FER: variants seen among roughly 807,000 people sequenced by gnomAD.
The protein encoded by FER is FER tyrosine kinase.
A neutral mutation model predicts 111.0 loss-of-function variants in FER; 63 were observed. The ratio of observed to expected loss-of-function variants is 0.57; its 90% CI spans 0.46 to 0.70. The LOEUF (loss-of-function observed/expected upper bound fraction) is 0.70, where lower values mean the gene tolerates loss of function less well. Among genes scored for constraint, FER ranks in the 30% least tolerant of loss-of-function variants. The pLI is 0.00. For missense variants in FER, 914 were observed against 954.0 expected (o/e 0.96, Z 0.55); for synonymous variants, 327 against 313.9 (o/e 1.04, Z -0.44).
chr5:109,017,921 T>C (rs1455413940), intron 13 of FER, among the ~76,000 whole-genome samples: 2 of 151,938 alleles, frequency 1.3e-5, no homozygotes, highest in Non-Finnish European at 2.9e-5. Context: ...ACATATATGA[T>C]TGTTGGGACT....
At chr5:108,893,398 A>T (rs1561574535) in intron 9 of FER, among the ~76,000 whole-genome samples, 1 of 151,770 alleles carries the variant, frequency 6.6e-6, no homozygotes, top group African/African-American at 2.4e-5. Context: ...CTAGATCTCA[A>T]AGGTTTTCTT....
intron 17 of FER, among the ~76,000 whole-genome samples, chr5:109,105,954 T>C (rs1400608605): frequency 2.6e-5 from 4 of 152,218 alleles, no homozygotes; most frequent in Non-Finnish European, 5.9e-5. Flanking sequence ...GGTACTATTG[T>C]TTAAGCCCGT....
chr5:108,961,809 C>T (rs1291683602), intron 13 of FER, among the ~76,000 whole-genome samples: 3 of 152,120 alleles, frequency 2.0e-5, no homozygotes, highest in East Asian at 1.9e-4. Flanking sequence ...TGTTACTTAT[C>T]TTCCTTTGAA....
At chr5:108,809,856 C>G (rs1490617878) in intron 3 of FER, among the ~76,000 whole-genome samples, 3 of 152,168 alleles carry the variant, frequency 2.0e-5, no homozygotes. Flanking sequence ...AGCCACCATG[C>G]CAAGCCTGTG....
At chr5:109,081,949 C>T (rs1300236422) in intron 16 of FER, among the ~76,000 whole-genome samples, 1 of 152,094 alleles carries the variant, frequency 6.6e-6, no homozygotes, top group East Asian at 1.9e-4. Context: ...TCTCCTACCC[C>T]TTCAGAATCC....
chr5:109,185,813 C>T (rs1368761041), intron 18 of FER, among the ~76,000 whole-genome samples: 3 of 152,188 alleles, frequency 2.0e-5, no homozygotes, highest in Non-Finnish European at 4.4e-5. Context: ...GACAGGGATA[C>T]ACTCTGAGAA....
In FER at chr5:109,179,836, G is replaced by T. The variant is rs1005503793; in HGVS notation, c.2049-911G>T. Reference sequence around the variant, plus strand: ...TTTGGATTTTGGTATCTGAGGGGGGGTCCTGGAACCAATCATGGATCCCAA... The same window carrying T: ...TTTGGATTTTGGTATCTGAGGGGGGTTCCTGGAACCAATCATGGATCCCAA... On this transcript the variant is annotated intron_variant, in intron 17 of 19. Transcript: ENST00000281092. Among the ~76,000 whole-genome samples, 17 of 152,242 alleles carry T rather than the reference G, an allele frequency of 1.1e-4. 1 individual carries two copies. Among genetic ancestry groups the T allele is most frequent in the Admixed American group, 9.2e-4 (14 of 15,292 alleles).
intron 4 of FER, 28 bp from the exon 5 acceptor site, chr5:108,835,671 CAATTTAATA>C (rs1760582538): frequency 4.6e-6 from 6 of 1,306,768 alleles, no homozygotes; most frequent in Non-Finnish European, 6.4e-6. Context: ...TAAATTTAAA[CAATTTAATA>C]CATTTATGCA....
intron 5 of FER, among the ~76,000 whole-genome samples, chr5:108,840,974 G>A (rs541838254): frequency 4.6e-5 from 7 of 152,232 alleles, no homozygotes; most frequent in Admixed American, 3.9e-4. Context: ...GCAATATTAC[G>A]TTAACAGCCC....
intron 12 of FER, among the ~76,000 whole-genome samples, chr5:108,958,034 T>A (rs1758657607): frequency 6.6e-6 from 1 of 151,722 alleles, no homozygotes; most frequent in African/African-American, 2.4e-5. Flanking sequence ...ACAACTGCTT[T>A]GAACTGATTC....
chr5:109,177,014 A>C (rs1757775802), intron 17 of FER, among the ~76,000 whole-genome samples: 1 of 152,218 alleles, frequency 6.6e-6, no homozygotes, highest in African/African-American at 2.4e-5. Flanking sequence ...ACAATGAGTC[A>C]AATGAAACTG....
intron 2 of FER, among the ~76,000 whole-genome samples, chr5:108,772,068 C>G (rs937117734): frequency 5.3e-5 from 8 of 151,978 alleles, no homozygotes; most frequent in African/African-American, 1.9e-4. Context: ...TTTTGGTGAC[C>G]TCATATGACA....
chr5:109,085,288 C>G (rs1777437571), intron 16 of FER, among the ~76,000 whole-genome samples: 1 of 151,708 alleles, frequency 6.6e-6, no homozygotes, highest in African/African-American at 2.4e-5. Context: ...AAACATCCTT[C>G]TTTAAAATTT....
Position 108,935,855 on chromosome 5 carries a change from C to G in FER, c.1237-10275C>G, listed in dbSNP as rs367572246. On this transcript the variant is annotated intron_variant, in intron 10 of 19. Transcript: ENST00000281092. ...GCATAGATTCTGAATCAAGTGTTTA[C>G]GTCTGTATTATGAGACCAGAAAGTC... Among the ~76,000 whole-genome samples the G allele has an allele frequency of 2.7e-4, 41 of 152,126 alleles. No individual in the cohort carries two copies. In the South Asian group the frequency reaches 8.5e-3, roughly 32 times the overall value.
At chr5:108,925,896 C>T (rs1753672549) in intron 10 of FER, among the ~76,000 whole-genome samples, 2 of 151,876 alleles carry the variant, frequency 1.3e-5, no homozygotes, top group South Asian at 4.1e-4. Flanking sequence ...TCATCTTCTC[C>T]AAATTATCAT....
intron 10 of FER, among the ~76,000 whole-genome samples, chr5:108,904,246 G>T (rs1230130481): frequency 2.0e-5 from 3 of 152,150 alleles, no homozygotes; most frequent in Non-Finnish European, 4.4e-5. Flanking sequence ...TACATAGTAT[G>T]TCACATGGTG....
At chr5:109,061,177 T>A (rs991081923) in intron 16 of FER, among the ~76,000 whole-genome samples, 1 of 152,172 alleles carries the variant, frequency 6.6e-6, no homozygotes, top group African/African-American at 2.4e-5. Context: ...ACCTCTAAAT[T>A]TTAGCTATAA....
At chr5:109,121,809 A>G (rs1340943185) in intron 17 of FER, among the ~76,000 whole-genome samples, 6 of 151,960 alleles carry the variant, frequency 3.9e-5, no homozygotes, top group Admixed American at 3.3e-4. Flanking sequence ...GGATTTCTTC[A>G]TGGTTCAATC....
intron 2 of FER, among the ~76,000 whole-genome samples, chr5:108,788,074 T>C (rs1024924987): frequency 2.0e-5 from 3 of 152,210 alleles, no homozygotes; most frequent in Non-Finnish European, 4.4e-5. Flanking sequence ...ATTCCAGAGC[T>C]TGGGGCTACC....
Sources: gnomAD v4.1 joint callset for allele counts (sites outside exome capture counted in the v4.1 genomes callset) on GRCh38, gnomAD v4.1.1 for gene constraint, MANE v1.5 for transcripts, NCBI Gene and HGNC (gene_info 2026-07-23, HGNC 2026-07-21) for gene names.